The following ULK4 variants were observed in gnomAD, a reference collection of about 807,000 sequenced individuals.
The protein encoded by ULK4 is unc-51 like kinase 4, also known as inactive serine/threonine-protein kinase ULK4.
In ULK4, 133 loss-of-function variants were observed where a neutral mutation model predicts 160.6. The ratio of observed to expected loss-of-function variants is 0.83; its 90% CI spans 0.72 to 0.96. The LOEUF is 0.96. ULK4 is among the 40% of genes least tolerant of loss of function. The pLI is 0.00. For synonymous variants in ULK4, 534 were observed against 539.8 expected (o/e 0.99, Z 0.15); for missense variants, 1,580 against 1,499.5 (o/e 1.05, Z -0.89).
At chr3:41,461,519 C>T (rs953066720) in intron 33 of ULK4, among the ~76,000 whole-genome samples, 2 of 152,130 alleles carry the variant, frequency 1.3e-5, no homozygotes, top group African/African-American at 4.8e-5. Context: ...AAAAGCAATA[C>T]ATGGCAGATA....
chr3:41,848,882 T>C (rs1282492361), intron 17 of ULK4, among the ~76,000 whole-genome samples: 9 of 152,270 alleles, frequency 5.9e-5, no homozygotes, highest in African/African-American at 1.9e-4. Flanking sequence ...TCCAGTTTCC[T>C]GCCCTTCCTT....
intron 17 of ULK4, among the ~76,000 whole-genome samples, chr3:41,880,662 C>G (rs1216563111): frequency 6.6e-6 from 1 of 152,160 alleles, no homozygotes; most frequent in Non-Finnish European, 1.5e-5. Context: ...GTGTCTCATG[C>G]CTGTAATCCC....
Position 41,455,507 on chromosome 3 carries a change from A to G in ULK4, c.3482T>C (p.Leu1161Pro). 6.2e-7 allele frequency: 1 copy of G among 1,614,018 alleles called. No homozygotes were observed. Among genetic ancestry groups the G allele is most frequent in the Non-Finnish European group, 8.5e-7 (1 of 1,179,876 alleles). ...NRPLTDLISL[L>P]IPLLPNEDPE... Reference sequence around the variant, plus strand: ...CAGGTGAGCTCTTACCAGTGGAATGAGCAGGCTAATCAGGTCTGTCAGAGG... The same window carrying G: ...CAGGTGAGCTCTTACCAGTGGAATGGGCAGGCTAATCAGGTCTGTCAGAGG... The change falls in exon 34 of 37, where the codon CTC (leucine) becomes CCC (proline). Residue 1161 changes from leucine to proline, a missense_variant. Transcript: ENST00000301831.
At chr3:41,585,690 C>T (rs1218703111) in intron 31 of ULK4, among the ~76,000 whole-genome samples, 2 of 152,102 alleles carry the variant, frequency 1.3e-5, no homozygotes, top group Non-Finnish European at 2.9e-5. Flanking sequence ...AATTTTAAAA[C>T]TTTCATTCAT....
chr3:41,375,415 C>T (rs2081466444), intron 35 of ULK4, among the ~76,000 whole-genome samples: 2 of 150,168 alleles, frequency 1.3e-5, no homozygotes, highest in Admixed American at 1.3e-4. Context: ...CGGCATGGTA[C>T]TGGTACCATA....
chr3:41,610,416 A>C (rs2032616326), intron 31 of ULK4, among the ~76,000 whole-genome samples: 1 of 152,204 alleles, frequency 6.6e-6, no homozygotes, highest in Admixed American at 6.5e-5. Flanking sequence ...TAGATTCTTA[A>C]AATAAGGAAC....
chr3:41,374,043 T>C (rs1169937277), intron 35 of ULK4, among the ~76,000 whole-genome samples: 1 of 152,056 alleles, frequency 6.6e-6, no homozygotes, highest in Non-Finnish European at 1.5e-5. Context: ...CTAGAAGAAA[T>C]GGATAAATTC....
intron 25 of ULK4, among the ~76,000 whole-genome samples, chr3:41,710,556 G>T (rs192403307): frequency 7.4e-4 from 113 of 152,256 alleles, no homozygotes; most frequent in Non-Finnish European, 1.3e-3. Flanking sequence ...CACTTTGGGA[G>T]GCTGAGGCAG....
chr3:41,840,572 T>C (rs1447517026), intron 17 of ULK4, among the ~76,000 whole-genome samples: 1 of 152,246 alleles, frequency 6.6e-6, no homozygotes, highest in Non-Finnish European at 1.5e-5. Context: ...GACAGGGTTT[T>C]GCCCTGTTGA....
chr3:41,932,898 G>T (rs1699644433), intron 4 of ULK4, among the ~76,000 whole-genome samples: 1 of 152,114 alleles, frequency 6.6e-6, no homozygotes, highest in African/African-American at 2.4e-5. Context: ...ACAAAAATTA[G>T]CTGGGCATGG....
chr3:41,474,453 G>A (rs79595020), intron 32 of ULK4, among the ~76,000 whole-genome samples: 4,775 of 152,158 alleles, frequency 0.031, 241 homozygotes, highest in African/African-American at 0.11. Context: ...ATTCTGGGCA[G>A]TAACTTTTTA....
At chr3:41,312,148 G>T (rs1441476585) in intron 35 of ULK4, among the ~76,000 whole-genome samples, 5 of 151,632 alleles carry the variant, frequency 3.3e-5, no homozygotes, top group African/African-American at 1.2e-4. Context: ...CTAATTTTTA[G>T]AAAATTGTTT....
intron 5 of ULK4, among the ~76,000 whole-genome samples, chr3:41,923,188 T>TA (rs1699256170): frequency 6.7e-6 from 1 of 149,478 alleles, no homozygotes; most frequent in East Asian, 2.0e-4. Flanking sequence ...AATAAATAAA[T>TA]AATAAAAAAA....
chr3:41,661,513 TA>T (rs1450308300), intron 30 of ULK4, among the ~76,000 whole-genome samples: 1 of 148,610 alleles, frequency 6.7e-6, no homozygotes, highest in East Asian at 2.0e-4. Context: ...AGATAGATGA[TA>T]GATAGATAGA....
At chr3:41,640,267 G>C (rs2034128059) in intron 30 of ULK4, among the ~76,000 whole-genome samples, 1 of 152,152 alleles carries the variant, frequency 6.6e-6, no homozygotes, top group Non-Finnish European at 1.5e-5. Context: ...TAGAAAGGTA[G>C]CTCTATACAA....
chr3:41,730,934 T>C (rs1336587269), intron 22 of ULK4, among the ~76,000 whole-genome samples: 2 of 152,004 alleles, frequency 1.3e-5, no homozygotes, highest in African/African-American at 4.8e-5. Flanking sequence ...ACAAAAACCA[T>C]ATGATTTCAA....
chr3:41,268,050 C>A (rs1357804198), intron 35 of ULK4, among the ~76,000 whole-genome samples: 2 of 152,172 alleles, frequency 1.3e-5, no homozygotes, highest in African/African-American at 4.8e-5. Context: ...TTGGCAATGT[C>A]TGGAAACACT....
At chr3:41,926,094 G>A (rs1007147094) in intron 5 of ULK4, among the ~76,000 whole-genome samples, 1 of 152,154 alleles carries the variant, frequency 6.6e-6, no homozygotes, top group Non-Finnish European at 1.5e-5. Flanking sequence ...ACCTCATACA[G>A]GAAAGCTCCG....
At chr3:41,725,527 T>C (rs1285928142) in intron 22 of ULK4, among the ~76,000 whole-genome samples, 14 of 152,190 alleles carry the variant, frequency 9.2e-5, no homozygotes, top group Non-Finnish European at 1.0e-4. Flanking sequence ...TTTCAATTAT[T>C]GTATTTTTCA....
Sources: allele counts gnomAD v4.1 joint callset (sites outside exome capture counted in the v4.1 genomes callset), GRCh38; gene constraint gnomAD v4.1.1; transcripts MANE v1.5; gene names NCBI Gene and HGNC (gene_info 2026-07-23, HGNC 2026-07-21).